Variants in DNAAF11 observed in about 807,000 individuals in gnomAD.
The protein encoded by DNAAF11 is leucine rich repeat containing 6.
In DNAAF11, 45 loss-of-function variants were observed where a neutral mutation model predicts 60.8. That is an observed-to-expected ratio of 0.74 (90% CI 0.58 to 0.95). The LOEUF (loss-of-function observed/expected upper bound fraction) is 0.95, where lower values mean the gene tolerates loss of function less well. Ranked by LOEUF, DNAAF11 falls within the 40% of genes least tolerant of loss-of-function variation. The pLI, the probability that DNAAF11 is intolerant of heterozygous loss-of-function variation, is 0.00. For synonymous variants in DNAAF11, 191 were observed against 183.5 expected (o/e 1.04, Z -0.33); for missense variants, 546 against 546.2 (o/e 1.00, Z 0.00).
rs560235512 is a variant in DNAAF11 at position 132,674,500 on chromosome 8, T to C, written c.10+984A>G. Among the ~76,000 whole-genome samples, 4 of 152,316 alleles carry C rather than the reference T, an allele frequency of 2.6e-5. No individual in the cohort carries two copies. The South Asian group carries it at 6.2e-4, about 24-fold the overall frequency. ...GGTAGAGCTGTACAAAACTGCCATA[T>C]GGGGAGCTCAAAAACGTTGTCGATA... On this transcript the variant is annotated intron_variant, in intron 1 of 11. Transcript: ENST00000620350.
chr8:132,628,008 G>A (rs1284333701), intron 5 of DNAAF11, among the ~76,000 whole-genome samples: 4 of 152,108 alleles, frequency 2.6e-5, no homozygotes, highest in African/African-American at 7.2e-5. Context: ...CCCAGCTTCT[G>A]CCACTGATAA....
Position 132,632,647 on chromosome 8 carries a change from GA to G in DNAAF11, c.653+92del, listed in dbSNP as rs1450876482. 4.9e-6 allele frequency: 4 copies of G among 814,728 alleles called. No homozygotes were observed. In the African/African-American group the frequency reaches 6.8e-5, roughly 14 times the overall value. 50.5% of individuals were successfully genotyped at this position (814,728 alleles called of 1,614,324 possible). On this transcript the variant is annotated intron_variant, in intron 5 of 11. Coordinates refer to ENST00000620350, the MANE Select transcript of DNAAF11 (RefSeq NM_012472.6). ...ATATTTCATTCTTCAAATTAATCTG[GA>G]ATATAAGTGTACTGCAAACAACTTG...
chr8:132,700,533 A>G, the DNAAF11 span, among the ~76,000 whole-genome samples: 1 of 151,912 alleles, frequency 6.6e-6, no homozygotes, highest in Non-Finnish European at 1.5e-5. Context: ...CAAAAAAAAA[A>G]AAAAATTAGC....
chr8:132,676,586 A>G (rs1563730716), upstream of DNAAF11, among the ~76,000 whole-genome samples: 3 of 152,046 alleles, frequency 2.0e-5, no homozygotes, highest in South Asian at 4.1e-4. Flanking sequence ...AAAGAAATTA[A>G]TTTTTCTAGC....
rs546681059 is a variant in DNAAF11 at position 132,659,003 on chromosome 8, C to A, written c.179-2096G>T. On this transcript the variant is annotated intron_variant, in intron 2 of 11. Coordinates refer to ENST00000620350, the MANE Select transcript of DNAAF11 (RefSeq NM_012472.6). ...AGCAGGCCCACAAACTTGGAGTAGA[C>A]CCTCTGCCTTCTCGGATTTAAGCAG... Among the ~76,000 whole-genome samples, 16 of 152,276 alleles carry A rather than the reference C, an allele frequency of 1.1e-4. No homozygotes were observed. In the South Asian group the frequency reaches 2.3e-3, roughly 22 times the overall value.
intron 10 of DNAAF11, among the ~76,000 whole-genome samples, chr8:132,608,072 T>C (rs1310277191): frequency 1.3e-5 from 2 of 152,182 alleles, no homozygotes; most frequent in Non-Finnish European, 2.9e-5. Flanking sequence ...ATATACATTT[T>C]TAATATTAAG....
At chr8:132,586,359 A>G (rs1379656655) in intron 10 of DNAAF11, among the ~76,000 whole-genome samples, 2 of 138,500 alleles carry the variant, frequency 1.4e-5, no homozygotes, top group African/African-American at 5.5e-5. Context: ...AAGCACTTGA[A>G]ATGCGGTTAG....
intron 3 of DNAAF11, among the ~76,000 whole-genome samples, chr8:132,641,286 C>T (rs1243605973): frequency 6.6e-6 from 1 of 152,096 alleles, no homozygotes; most frequent in Non-Finnish European, 1.5e-5. Flanking sequence ...TCTTTGGTTC[C>T]TTTTATGGTC....
At chr8:132,644,955 G>A (rs895447759) in intron 3 of DNAAF11, among the ~76,000 whole-genome samples, 1 of 152,176 alleles carries the variant, frequency 6.6e-6, no homozygotes, top group South Asian at 2.1e-4. Flanking sequence ...GGACTTAAAC[G>A]TCCCTGTCTG....
At chr8:132,630,313 T>C (rs1820674548) in intron 5 of DNAAF11, among the ~76,000 whole-genome samples, 1 of 152,158 alleles carries the variant, frequency 6.6e-6, no homozygotes, top group Non-Finnish European at 1.5e-5. Context: ...AACCCATGAA[T>C]ACATGGTTAG....
intron 1 of DNAAF11, among the ~76,000 whole-genome samples, chr8:132,662,240 T>C (rs969061050): frequency 6.6e-6 from 1 of 152,150 alleles, no homozygotes; most frequent in African/African-American, 2.4e-5. Flanking sequence ...GAAGGAGGTG[T>C]AATGGGAGCT....
upstream of DNAAF11, among the ~76,000 whole-genome samples, chr8:132,677,802 G>A (rs952119491): frequency 6.6e-6 from 1 of 152,054 alleles, no homozygotes; most frequent in African/African-American, 2.4e-5. Context: ...CTTCCAAGAT[G>A]GTGCCTCATT....
chr8:132,613,383 A>G (rs1818849745), intron 8 of DNAAF11, among the ~76,000 whole-genome samples: 1 of 152,250 alleles, frequency 6.6e-6, no homozygotes, highest in African/African-American at 2.4e-5. Flanking sequence ...GTGCAACAAC[A>G]TGGATGAGGC....
At chr8:132,593,439 G>A (rs975068662) in intron 10 of DNAAF11, among the ~76,000 whole-genome samples, 2 of 147,870 alleles carry the variant, frequency 1.4e-5, no homozygotes, top group Non-Finnish European at 3.0e-5. Context: ...AACACCCATA[G>A]AGAGAAATCT....
chr8:132,683,168 A>G, the DNAAF11 span, among the ~76,000 whole-genome samples: 4 of 152,190 alleles, frequency 2.6e-5, no homozygotes, highest in South Asian at 2.1e-4. Context: ...TAGGACAAAT[A>G]AAAAAGGATC....
Position 132,632,868 on chromosome 8 carries a change from A to T in DNAAF11, c.525T>A (p.Asp175Glu), listed in dbSNP as rs1316268216. The T allele has an allele frequency of 1.2e-6, 2 of 1,613,690 alleles. No homozygotes were observed. The highest frequency in any genetic ancestry group is 2.7e-5 in the African/African-American group (2 of 74,894). ...TGAGTTTGGCTCGTTTAAGACAGTG[A>T]TCTTTTTCCTGCTCTCTGATTTGTG... Reference protein sequence around the residue: ...IEPQIREQEKDHCLKRAKLKE... With the variant: ...IEPQIREQEKEHCLKRAKLKE... The change falls in exon 5 of 12, where the codon GAT (aspartate) becomes GAA (glutamate). Residue 175 changes from aspartate (D) to glutamate (E), a missense_variant. Coordinates refer to ENST00000620350, the MANE Select transcript of DNAAF11 (RefSeq NM_012472.6).
In DNAAF11 at chr8:132,657,875, G is replaced by C. The variant is rs147925154; in HGVS notation, c.179-968C>G. ...CAGAGAATTAATTCACTTGTCCAAG[G>C]TTAAGTGGTAGAGCTAGGAAAGTTG... On this transcript the variant is annotated intron_variant, in intron 2 of 11. Transcript: ENST00000620350. Among the ~76,000 whole-genome samples the C allele has an allele frequency of 2.4e-4, 36 of 152,240 alleles. 1 individual carries two copies. In the East Asian group the frequency reaches 6.8e-3, roughly 29 times the overall value.
At chr8:132,646,717 T>A (rs1451220066) in intron 3 of DNAAF11, among the ~76,000 whole-genome samples, 2 of 152,126 alleles carry the variant, frequency 1.3e-5, no homozygotes, top group Non-Finnish European at 2.9e-5. Flanking sequence ...AAACAGACTT[T>A]AAACCAACAA....
chr8:132,597,571 T>C (rs1817149800), intron 10 of DNAAF11, among the ~76,000 whole-genome samples: 1 of 152,214 alleles, frequency 6.6e-6, no homozygotes, highest in Non-Finnish European at 1.5e-5. Flanking sequence ...ATTTGTTTAT[T>C]TCACTTCCAG....
Sources: gnomAD v4.1 joint callset for allele counts (sites outside exome capture counted in the v4.1 genomes callset) on GRCh38, gnomAD v4.1.1 for gene constraint, MANE v1.5 for transcripts, NCBI Gene and HGNC (gene_info 2026-07-23, HGNC 2026-07-21) for gene names.